Variants in OMA1 observed in about 807,000 individuals in gnomAD.
OMA1 encodes metalloendopeptidase OMA1, mitochondrial.
Under a neutral mutation model 30.9 loss-of-function variants are expected in OMA1, and 38 were observed. That is an observed-to-expected ratio of 1.23 (90% CI 0.95 to 1.61). The LOEUF is 1.61. OMA1 is among the 40% of genes most tolerant of loss of function. The pLI is 0.00. For missense variants in OMA1, 461 were observed against 349.2 expected, an observed-to-expected ratio of 1.32 and a Z score of -2.55; for synonymous variants, 173 against 121.9, an observed-to-expected ratio of 1.42 and a Z score of -2.76.
At chr1:58,523,608 T>C (rs1359660182) in intron 7 of OMA1, among the ~76,000 whole-genome samples, 1 of 152,114 alleles carries the variant, frequency 6.6e-6, no homozygotes, top group Non-Finnish European at 1.5e-5. Context: ...TAAAAAGAAC[T>C]GGCAGTCCTG....
chr1:58,488,525 C>G (rs532739274), intron 8 of OMA1, among the ~76,000 whole-genome samples: 3 of 152,272 alleles, frequency 2.0e-5, no homozygotes, highest in Non-Finnish European at 4.4e-5. Flanking sequence ...GATCTCAGAT[C>G]ACTGCAACCT....
chr1:58,518,230 G>GGGGAGACGGGAGAC (rs1646191162), intron 7 of OMA1, among the ~76,000 whole-genome samples: 1 of 6,662 alleles, frequency 1.5e-4, no homozygotes, highest in Non-Finnish European at 2.7e-4. Context: ...AGAGGGGAGA[G>GGGGAGACGGGAGAC]GGGAGAGGGG....
chr1:58,501,176 C>T (rs919824260), intron 8 of OMA1, among the ~76,000 whole-genome samples: 1 of 152,092 alleles, frequency 6.6e-6, no homozygotes, highest in Non-Finnish European at 1.5e-5. Context: ...TTTTTAAATG[C>T]TAATGGATCA....
At chr1:58,534,377 A>G (rs762276317) in intron 3 of OMA1, 46 bp from the exon 4 acceptor site, 9 of 770,630 alleles carry the variant, frequency 1.2e-5, no homozygotes, top group South Asian at 3.2e-5. Context: ...GCACTACAAA[A>G]TGCTTACTCT....
At chr1:58,539,835 C>T (rs936806597) in intron 1 of OMA1, among the ~76,000 whole-genome samples, 3 of 152,066 alleles carry the variant, frequency 2.0e-5, no homozygotes, top group Non-Finnish European at 4.4e-5. Context: ...CTAGGTGGAG[C>T]CCAGTGGTTC....
At chr1:58,512,226 T>A (rs138305177) in intron 7 of OMA1, among the ~76,000 whole-genome samples, 1 of 152,148 alleles carries the variant, frequency 6.6e-6, no homozygotes, top group Non-Finnish European at 1.5e-5. Context: ...TGTTAGGTTA[T>A]CTATCATTGA....
intron 8 of OMA1, among the ~76,000 whole-genome samples, chr1:58,494,633 G>C (rs1645763092): frequency 6.6e-6 from 1 of 152,064 alleles, no homozygotes. Context: ...CTTCTCAAAA[G>C]AAGACATTTA....
At chr1:58,482,314 C>T (rs763306261) in intron 8 of OMA1, among the ~76,000 whole-genome samples, 4 of 152,080 alleles carry the variant, frequency 2.6e-5, no homozygotes, top group Non-Finnish European at 5.9e-5. Flanking sequence ...ATGGGAAATA[C>T]TAAAAGAATC....
chr1:58,544,787 T>G (rs578080322), intron 1 of OMA1, among the ~76,000 whole-genome samples: 1 of 152,298 alleles, frequency 6.6e-6, no homozygotes, highest in East Asian at 1.9e-4. Flanking sequence ...AGAGACGGGG[T>G]TTCGGCAAAT....
chr1:58,506,179 A>G lies in OMA1; in HGVS notation c.1246T>C (p.Phe416Leu), dbSNP rs760956878. Residue 416 changes from phenylalanine (F) to leucine (L), a missense_variant, in exon 8 of 9, where the codon TTT becomes CTT. Physicochemically the swap from Phe to Leu is conservative, Grantham distance 22. Coordinates refer to ENST00000371226, the MANE Select transcript of OMA1 (RefSeq NM_145243.5). ...TCAACGAACTCCATTTGCTGCCAAAACACTGAACTGGCTCTTATGTCTGCA... is the reference window on the plus strand; with the variant it reads ...TCAACGAACTCCATTTGCTGCCAAAGCACTGAACTGGCTCTTATGTCTGCA... ...ACADIRASSVFWQQMEFVDSL... is the reference protein window; with the variant it reads ...ACADIRASSVLWQQMEFVDSL... The G allele has an allele frequency of 1.1e-6, 1 of 872,116 alleles. No homozygotes were observed. Among genetic ancestry groups the G allele is most frequent in the Non-Finnish European group, 2.0e-6 (1 of 501,030 alleles). 54.0% of individuals were successfully genotyped at this position (872,116 alleles called of 1,614,324 possible). A position where few individuals can be genotyped will look rare whatever the true frequency, so the allele number is the denominator to read the frequency against.
intron 1 of OMA1, among the ~76,000 whole-genome samples, chr1:58,546,462 C>T (rs1198102356): frequency 6.6e-6 from 1 of 151,756 alleles, no homozygotes; most frequent in African/African-American, 2.4e-5. Context: ...GAACCGGGCT[C>T]CCCCAGGACA....
chr1:58,505,463 G>A (rs943220512), intron 8 of OMA1, among the ~76,000 whole-genome samples: 1 of 152,070 alleles, frequency 6.6e-6, no homozygotes, highest in Non-Finnish European at 1.5e-5. Flanking sequence ...CAAATCAAAA[G>A]ATTTTCAGAG....
chr1:58,481,909 CA>C (rs1645491157), intron 8 of OMA1, among the ~76,000 whole-genome samples: 1 of 152,174 alleles, frequency 6.6e-6, no homozygotes, highest in Admixed American at 6.5e-5. Context: ...AACTGTAAGT[CA>C]ATTAAACCTC....
intron 7 of OMA1, among the ~76,000 whole-genome samples, chr1:58,520,887 C>G (rs1423788973): frequency 6.6e-6 from 1 of 151,856 alleles, no homozygotes; most frequent in Non-Finnish European, 1.5e-5. Flanking sequence ...CTCTTGATAA[C>G]TACAAAAAAA....
At chr1:58,545,078 G>A (rs142592899) in intron 1 of OMA1, among the ~76,000 whole-genome samples, 7 of 152,114 alleles carry the variant, frequency 4.6e-5, no homozygotes, top group Non-Finnish European at 7.4e-5. Flanking sequence ...TTCATATGGC[G>A]AACCAGGCCC....
At position 58,539,124 on chromosome 1, in the gene OMA1, C is replaced by A. The variant is rs1037242225; in HGVS notation, c.171G>T (p.Gln57His). 1.1e-6 allele frequency: 1 copy of A among 872,848 alleles called. No individual in the cohort carries two copies. The highest frequency in any genetic ancestry group is 1.7e-5 in the Admixed American group (1 of 59,172). 54.1% of individuals were successfully genotyped at this position (872,848 alleles called of 1,614,324 possible). The change falls in exon 2 of 9, where the codon CAG becomes CAT. Residue 57 changes from glutamine to histidine, a missense_variant. Gln to His is a conservative substitution (Grantham distance 24). Transcript: ENST00000371226. ...VNKYQGLGVNQCDRWSFLPGN... is the reference protein window; with the variant it reads ...VNKYQGLGVNHCDRWSFLPGN... ...CAGGCAGAAAACTCCACCTGTCACA[C>A]TGATTTACTCCCAGTCCCTGATACT...
chr1:58,495,929 T>C (rs1307856679), intron 8 of OMA1, among the ~76,000 whole-genome samples: 2 of 152,164 alleles, frequency 1.3e-5, no homozygotes, highest in Non-Finnish European at 2.9e-5. Flanking sequence ...AGCCTGTCTT[T>C]GCAATGAAGA....
At chr1:58,540,981 T>C (rs1646598124) in intron 1 of OMA1, among the ~76,000 whole-genome samples, 1 of 152,010 alleles carries the variant, frequency 6.6e-6, no homozygotes, top group South Asian at 2.1e-4. Context: ...AATCTTAAAC[T>C]TGACATCTTA....
intron 3 of OMA1, among the ~76,000 whole-genome samples, chr1:58,536,013 C>A (rs989170482): frequency 7.9e-5 from 12 of 152,058 alleles, no homozygotes; most frequent in African/African-American, 2.7e-4. Context: ...GATCCCTGCC[C>A]CCATGAAGCT....
Sources: allele counts gnomAD v4.1 joint callset (sites outside exome capture counted in the v4.1 genomes callset), GRCh38; gene constraint gnomAD v4.1.1; transcripts MANE v1.5; gene names NCBI Gene and HGNC (gene_info 2026-07-23, HGNC 2026-07-21).